Variants in PDE4B observed in about 807,000 individuals in gnomAD.
PDE4B encodes phosphodiesterase 4B, also known as 3',5'-cyclic-AMP phosphodiesterase 4B.
In PDE4B, 20 loss-of-function variants were observed where a neutral mutation model predicts 82.2. That is an observed-to-expected ratio of 0.24 (90% CI 0.17 to 0.35). The LOEUF (loss-of-function observed/expected upper bound fraction) is 0.35. Ranked by LOEUF, PDE4B falls within the 10% of genes least tolerant of loss-of-function variation. PDE4B has a pLI of 1.00. For missense variants in PDE4B, 655 were observed against 907.2 expected (o/e 0.72, Z 3.57); for synonymous variants, 320 against 318.9 (o/e 1.00, Z -0.04).
At chr1:65,888,934 C>A (rs183132642) in intron 1 of PDE4B, among the ~76,000 whole-genome samples, 1 of 152,132 alleles carries the variant, frequency 6.6e-6, no homozygotes, top group African/African-American at 2.4e-5. Flanking sequence ...CAATTTCATT[C>A]TTTTGCCTGA....
intron 3 of PDE4B, among the ~76,000 whole-genome samples, chr1:66,100,699 G>A (rs1442565772): frequency 6.6e-6 from 1 of 152,046 alleles, no homozygotes; most frequent in Non-Finnish European, 1.5e-5. Context: ...CATCCCCAAA[G>A]CAACATTATT....
chr1:66,225,946 C>A (rs922590733), intron 3 of PDE4B, among the ~76,000 whole-genome samples: 18 of 152,212 alleles, frequency 1.2e-4, no homozygotes, highest in Non-Finnish European at 7.3e-5. Flanking sequence ...GGTGCAAACA[C>A]TACAGACCTA....
At chr1:66,313,264 G>A (rs978190764) in intron 7 of PDE4B, among the ~76,000 whole-genome samples, 1 of 152,072 alleles carries the variant, frequency 6.6e-6, no homozygotes, top group African/African-American at 2.4e-5. Context: ...GCCCATCCAA[G>A]GAGAAGTACT....
chr1:65,903,140 T>C (rs566382063), intron 1 of PDE4B, among the ~76,000 whole-genome samples: 5 of 152,328 alleles, frequency 3.3e-5, no homozygotes, highest in Non-Finnish European at 5.9e-5. Flanking sequence ...TTCAAGCTTT[T>C]CTTTTTAAGT....
At chr1:65,968,227 A>G (rs893371055) in intron 3 of PDE4B, among the ~76,000 whole-genome samples, 2 of 152,074 alleles carry the variant, frequency 1.3e-5, no homozygotes, top group Non-Finnish European at 2.9e-5. Context: ...CCATTTACCC[A>G]TTTGTTAAAA....
Position 65,896,514 on chromosome 1 carries a change from T to C in PDE4B, c.-70-16731T>C, listed in dbSNP as rs138641220. ...ACACACACAGTCTGTGTAATGACAG[T>C]CTGAGAAACAGAAGTAAGCCCAAAA... On this transcript the variant is annotated intron_variant, in intron 1 of 16. Transcript: ENST00000341517. Among the ~76,000 whole-genome samples, 640 of 152,252 alleles carry C rather than the reference T, an allele frequency of 4.2e-3. 8 individuals are homozygous for C. The highest frequency in any genetic ancestry group is 0.014 in the African/African-American group (584 of 41,548).
At chr1:66,155,613 A>G (rs991771799) in intron 3 of PDE4B, among the ~76,000 whole-genome samples, 2 of 151,340 alleles carry the variant, frequency 1.3e-5, no homozygotes, top group Non-Finnish European at 2.9e-5. Context: ...ATACATATTT[A>G]TATATACATG....
chr1:65,813,193 G>T (rs1340708750), intron 1 of PDE4B, among the ~76,000 whole-genome samples: 3 of 152,158 alleles, frequency 2.0e-5, no homozygotes, highest in Non-Finnish European at 4.4e-5. Context: ...TATATGGTGG[G>T]TTGGTTGTTA....
At chr1:66,244,228 A>G (rs1368461514) in intron 3 of PDE4B, among the ~76,000 whole-genome samples, 2 of 152,122 alleles carry the variant, frequency 1.3e-5, no homozygotes, top group African/African-American at 4.8e-5. Context: ...CAAGATCCAA[A>G]CCTGCAGGAG....
chr1:66,061,303 G>A (rs892685980), intron 3 of PDE4B, among the ~76,000 whole-genome samples: 2 of 150,454 alleles, frequency 1.3e-5, no homozygotes, highest in Non-Finnish European at 3.0e-5. Context: ...TATTTTCCCT[G>A]TAATACCGTT....
At chr1:65,985,188 A>G (rs1041749799) in intron 3 of PDE4B, among the ~76,000 whole-genome samples, 13 of 152,222 alleles carry the variant, frequency 8.5e-5, no homozygotes, top group Non-Finnish European at 1.9e-4. Flanking sequence ...TATAAGGCTC[A>G]TAGTAGTAAA....
intron 1 of PDE4B, among the ~76,000 whole-genome samples, chr1:65,897,529 C>T (rs1221096231): frequency 6.6e-6 from 1 of 151,750 alleles, no homozygotes; most frequent in African/African-American, 2.4e-5. Context: ...TCTAGTATTC[C>T]CCAGTGTGTA....
At chr1:65,814,145 A>G (rs979725749) in intron 1 of PDE4B, among the ~76,000 whole-genome samples, 1 of 152,182 alleles carries the variant, frequency 6.6e-6, no homozygotes, top group Non-Finnish European at 1.5e-5. Flanking sequence ...ACTACAGCAC[A>G]TTGCTTGCCA....
intron 3 of PDE4B, among the ~76,000 whole-genome samples, chr1:66,029,939 A>G (rs1050098089): frequency 3.9e-5 from 6 of 152,078 alleles, no homozygotes; most frequent in Non-Finnish European, 8.8e-5. Flanking sequence ...ACAATTATGA[A>G]GTCTAATTTC....
chr1:66,354,804 T>A, intron 8 of PDE4B: 14 of 1,535,268 alleles, frequency 9.1e-6, no homozygotes, highest in Non-Finnish European at 1.2e-5. Context: ...CTGTGAATTC[T>A]TTCAAAGGGA....
At chr1:66,358,942 A>T (rs768429603) in intron 9 of PDE4B, among the ~76,000 whole-genome samples, 1 of 152,214 alleles carries the variant, frequency 6.6e-6, no homozygotes, top group Non-Finnish European at 1.5e-5. Context: ...AAAGGCAGGC[A>T]GTAGACTATA....
intron 7 of PDE4B, among the ~76,000 whole-genome samples, chr1:66,276,810 A>G (rs953031156): frequency 1.3e-5 from 2 of 152,228 alleles, no homozygotes; most frequent in East Asian, 1.9e-4. Flanking sequence ...TGATAATTGT[A>G]ATGAAGGAAA....
At chr1:65,936,428 A>C (rs1383220299) in intron 3 of PDE4B, among the ~76,000 whole-genome samples, 1 of 152,226 alleles carries the variant, frequency 6.6e-6, no homozygotes, top group Non-Finnish European at 1.5e-5. Context: ...GCATCATTAT[A>C]GTCTTATGGG....
intron 3 of PDE4B, among the ~76,000 whole-genome samples, chr1:65,938,579 T>C (rs1391317793): frequency 6.6e-6 from 1 of 152,204 alleles, no homozygotes. Flanking sequence ...TGCCCTTTCC[T>C]TAGTAGTTAT....
Sources: allele counts gnomAD v4.1 joint callset (sites outside exome capture counted in the v4.1 genomes callset), GRCh38; gene constraint gnomAD v4.1.1; transcripts MANE v1.5; gene names NCBI Gene and HGNC (gene_info 2026-07-23, HGNC 2026-07-21).